Variants in MLLT10 observed in about 807,000 individuals in gnomAD.
The protein encoded by MLLT10 is MLLT10 histone lysine methyltransferase DOT1L cofactor.
Under a neutral mutation model 129.1 loss-of-function variants are expected in MLLT10, and 30 were observed. The ratio of observed to expected loss-of-function variants is 0.23; its 90% CI spans 0.17 to 0.32. The LOEUF (loss-of-function observed/expected upper bound fraction) is 0.32, where lower values mean the gene tolerates loss of function less well. MLLT10 is among the 10% of genes least tolerant of loss of function. MLLT10 has a pLI of 1.00. For missense variants in MLLT10, 1,119 were observed against 1,268.3 expected, an observed-to-expected ratio of 0.88 and a Z score of 1.79; for synonymous variants, 490 against 446.4, an observed-to-expected ratio of 1.10 and a Z score of -1.23.
At position 21,658,110 on chromosome 10, in the gene MLLT10, C is replaced by T. The variant is rs190999543; in HGVS notation, c.795+6342C>T. Among the ~76,000 whole-genome samples the T allele has an allele frequency of 1.1e-3, 164 of 152,160 alleles. 1 individual carries two copies. The highest frequency in any genetic ancestry group is 2.2e-3 in the Admixed American group (34 of 15,274). On this transcript the variant is annotated intron_variant, in intron 9 of 22. Transcript: ENST00000307729. ...CACAATCTTAGGATCATAAGGTATTCAGAAGTCTAATATATCATAAATATA... is the reference window on the plus strand; with the variant it reads ...CACAATCTTAGGATCATAAGGTATTTAGAAGTCTAATATATCATAAATATA...
intron 8 of MLLT10, chr10:21,625,197 G>C (rs977508120): frequency 1.3e-6 from 2 of 1,486,746 alleles, no homozygotes; most frequent in Non-Finnish European, 1.9e-6. Context: ...CTGGAGGCCT[G>C]TCTAGCAGCT....
intron 3 of MLLT10, among the ~76,000 whole-genome samples, chr10:21,581,976 A>G (rs2041504232): frequency 6.6e-6 from 1 of 152,186 alleles, no homozygotes; most frequent in African/African-American, 2.4e-5. Flanking sequence ...TTACATCATT[A>G]CGTCACTAGG....
chr10:21,728,605 T>C (rs2057703101), intron 16 of MLLT10, among the ~76,000 whole-genome samples: 1 of 152,162 alleles, frequency 6.6e-6, no homozygotes, highest in Non-Finnish European at 1.5e-5. Context: ...TGCGTTCTCT[T>C]TGTTTTCTCC....
At chr10:21,663,307 C>T (rs1421916484) in intron 9 of MLLT10, among the ~76,000 whole-genome samples, 1 of 152,044 alleles carries the variant, frequency 6.6e-6, no homozygotes, top group East Asian at 1.9e-4. Flanking sequence ...GGTACTGGTT[C>T]CTGCAGAGGT....
In MLLT10 at chr10:21,743,180, A is replaced by G. The variant is rs1167657855; in HGVS notation, c.*1197A>G. Reference sequence around the variant, plus strand: ...CAAACTCTTCTTTGGTGTGTGAATTATTAGTGGAAAAGACCCAGCTGTAAT... The same window carrying G: ...CAAACTCTTCTTTGGTGTGTGAATTGTTAGTGGAAAAGACCCAGCTGTAAT... On this transcript the variant is annotated 3_prime_UTR_variant, in exon 23 of 23. Coordinates refer to ENST00000307729, the MANE Select transcript of MLLT10 (RefSeq NM_001195626.3). The G allele has an allele frequency of 4.4e-6, 1 of 228,824 alleles. No homozygotes were observed. The highest frequency in any genetic ancestry group is 6.3e-5 in the East Asian group (1 of 15,920). The allele number at this position is 228,824 out of a possible 1,614,324, so 14.2% of individuals were successfully genotyped here. A position where few individuals can be genotyped will look rare whatever the true frequency, so the allele number is the denominator to read the frequency against.
chr10:21,609,897 G>T (rs1196298370), intron 5 of MLLT10, among the ~76,000 whole-genome samples: 2 of 151,694 alleles, frequency 1.3e-5, no homozygotes, highest in Non-Finnish European at 2.9e-5. Context: ...ACACACACAC[G>T]CACATACACA....
At chr10:21,563,915 C>G (rs1018087585) in intron 3 of MLLT10, among the ~76,000 whole-genome samples, 2 of 151,836 alleles carry the variant, frequency 1.3e-5, no homozygotes, top group African/African-American at 4.8e-5. Context: ...CAGGTTCACA[C>G]CATTCTCCTG....
intron 8 of MLLT10, among the ~76,000 whole-genome samples, chr10:21,621,891 T>C (rs758935419): frequency 5.8e-4 from 88 of 152,372 alleles, no homozygotes; most frequent in Non-Finnish European, 1.1e-3. Flanking sequence ...ATAAGTGATA[T>C]TGTTATTTTA....
Position 21,571,626 on chromosome 10 carries a change from C to A in MLLT10, c.241-14668C>A, listed in dbSNP as rs1250710389. 2.0e-5 allele frequency among the ~76,000 whole-genome samples: 3 copies of A among 152,064 alleles called. No homozygotes were observed. The South Asian group carries it at 6.2e-4, about 32-fold the overall frequency. ...TCGTGCAAGGAGGCTATATCTGGTC[C>A]CCTTTATTCACTCCATCTTGACCAG... On this transcript the variant is annotated intron_variant, in intron 3 of 22. Coordinates refer to ENST00000307729, the MANE Select transcript of MLLT10 (RefSeq NM_001195626.3).
intron 13 of MLLT10, among the ~76,000 whole-genome samples, chr10:21,712,240 G>A (rs1050402927): frequency 1.1e-5 from 1 of 94,220 alleles, no homozygotes; most frequent in Non-Finnish European, 2.1e-5. Flanking sequence ...ACAGAGTCTT[G>A]CTTTATTGCC....
chr10:21,735,994 C>T (rs1049115673), intron 21 of MLLT10, among the ~76,000 whole-genome samples: 15 of 152,150 alleles, frequency 9.9e-5, no homozygotes, highest in African/African-American at 2.9e-4. Flanking sequence ...GACCTATGTA[C>T]GCCTCATTCC....
At chr10:21,599,779 G>T (rs1384411351) in intron 5 of MLLT10, among the ~76,000 whole-genome samples, 1 of 152,062 alleles carries the variant, frequency 6.6e-6, no homozygotes, top group Non-Finnish European at 1.5e-5. Context: ...TGATGCCCAG[G>T]CTGATCTTGA....
chr10:21,631,068 G>C (rs1037362597), intron 8 of MLLT10, among the ~76,000 whole-genome samples: 1 of 151,870 alleles, frequency 6.6e-6, no homozygotes, highest in Admixed American at 6.6e-5. Context: ...CCCAGCACTT[G>C]GGGAGGCCGA....
At chr10:21,678,305 A>G (rs1035202960) in intron 11 of MLLT10, among the ~76,000 whole-genome samples, 4 of 152,058 alleles carry the variant, frequency 2.6e-5, no homozygotes, top group African/African-American at 7.2e-5. Flanking sequence ...GGGTTTCACC[A>G]TGTTGGCCAG....
chr10:21,546,668 A>G (rs2036128613), intron 3 of MLLT10, among the ~76,000 whole-genome samples: 1 of 151,536 alleles, frequency 6.6e-6, no homozygotes, highest in African/African-American at 2.4e-5. Context: ...CCTGGGTTCA[A>G]GTGATTCTCC....
At chr10:21,582,846 G>A (rs1250668469) in intron 3 of MLLT10, among the ~76,000 whole-genome samples, 1 of 152,188 alleles carries the variant, frequency 6.6e-6, no homozygotes, top group East Asian at 1.9e-4. Context: ...AGCAGGAAGA[G>A]CAGATTTTGT....
At chr10:21,569,798 A>G (rs1014211294) in intron 3 of MLLT10, among the ~76,000 whole-genome samples, 3 of 152,058 alleles carry the variant, frequency 2.0e-5, no homozygotes, top group Non-Finnish European at 2.9e-5. Flanking sequence ...GCTGGAGTGC[A>G]GTGGCACAAT....
intron 3 of MLLT10, among the ~76,000 whole-genome samples, chr10:21,544,360 T>C (rs2035744700): frequency 6.6e-6 from 1 of 152,154 alleles, no homozygotes; most frequent in African/African-American, 2.4e-5. Flanking sequence ...TTGGCTTGGA[T>C]GAGATACCTA....
In MLLT10 at chr10:21,614,841, G is replaced by A; in HGVS notation, c.520G>A (p.Ala174Thr). Residue 174 changes from alanine to threonine, a missense_variant, in exon 7 of 23, where the codon GCC becomes ACC. Physicochemically the swap from Ala to Thr is moderately conservative, Grantham distance 58. This residue lies in a region of MLLT10 where 44 missense variants were observed against 114.3 expected (regional missense o/e 0.38). Coordinates refer to ENST00000307729, the MANE Select transcript of MLLT10 (RefSeq NM_001195626.3). ...QAFHVTCAQF[A>T]GLLCEEEGNG... Reference sequence around the variant, plus strand: ...GGCTTTTATTTTCAGCGCTCAGTTTGCCGGACTGCTTTGTGAAGAAGAAGG... The same window carrying A: ...GGCTTTTATTTTCAGCGCTCAGTTTACCGGACTGCTTTGTGAAGAAGAAGG... 6.2e-7 allele frequency: 1 copy of A among 1,612,108 alleles called. No individual in the cohort carries two copies. Among genetic ancestry groups the A allele is most frequent in the Non-Finnish European group, 8.5e-7 (1 of 1,179,482 alleles).
Sources: gnomAD v4.1 joint callset for allele counts (sites outside exome capture counted in the v4.1 genomes callset) on GRCh38, gnomAD v4.1.1 for gene constraint, gnomAD v4.1.1 regional missense constraint, MANE v1.5 for transcripts, NCBI Gene and HGNC (gene_info 2026-07-23, HGNC 2026-07-21) for gene names.